TCF7L2: variants seen among roughly 807,000 people sequenced by gnomAD.
TCF7L2 encodes the protein transcription factor 7-like 2.
TCF7L2 carries 23 observed loss-of-function variants against 77.9 expected under a neutral mutation model. That is an observed-to-expected ratio of 0.30 (90% CI 0.21 to 0.42). The LOEUF (loss-of-function observed/expected upper bound fraction) is 0.42. Ranked by LOEUF, TCF7L2 falls within the 10% of genes least tolerant of loss-of-function variation. The pLI is 1.00. For missense variants in TCF7L2, 654 were observed against 793.1 expected (o/e 0.82, Z 2.11); for synonymous variants, 413 against 340.2 (o/e 1.21, Z -2.36).
At chr10:113,146,164 G>A in intron 8 of TCF7L2, 67 bp downstream of exon 8, 1 of 1,396,808 alleles carries the variant, frequency 7.2e-7, no homozygotes, top group Non-Finnish European at 1.0e-6. Context: ...TCTCTAGATG[G>A]CCACCAAGCC....
chr10:112,964,817 G>A (rs1355165170), intron 4 of TCF7L2, among the ~76,000 whole-genome samples, 193 bp downstream of exon 4: 2 of 147,012 alleles, frequency 1.4e-5, no homozygotes, highest in Admixed American at 6.8e-5. Context: ...GGTGGTGGGG[G>A]GGGGTTGAAT....
intron 4 of TCF7L2, among the ~76,000 whole-genome samples, chr10:113,004,876 G>C (rs1261895980): frequency 6.6e-6 from 1 of 152,058 alleles, no homozygotes; most frequent in Non-Finnish European, 1.5e-5. Context: ...GTTCCACCGT[G>C]TTGGCCAGGC....
chr10:113,038,222 C>T (rs1297474485), intron 4 of TCF7L2, among the ~76,000 whole-genome samples: 1 of 152,062 alleles, frequency 6.6e-6, no homozygotes, highest in Non-Finnish European at 1.5e-5. Flanking sequence ...AATACCCTGT[C>T]GCAGATAGGA....
At chr10:113,104,851 C>T (rs2062086424) in intron 5 of TCF7L2, among the ~76,000 whole-genome samples, 2 of 152,166 alleles carry the variant, frequency 1.3e-5, no homozygotes, top group Admixed American at 1.3e-4. Flanking sequence ...ATCCCATTAG[C>T]TTGGTACATG....
intron 5 of TCF7L2, among the ~76,000 whole-genome samples, chr10:113,086,542 G>A (rs2059852867): frequency 6.6e-6 from 1 of 152,200 alleles, no homozygotes; most frequent in Non-Finnish European, 1.5e-5. Context: ...AGCTTGGACT[G>A]TGTAAACTTT....
chr10:113,039,335 G>A (rs1378553794), intron 4 of TCF7L2, among the ~76,000 whole-genome samples: 2 of 152,180 alleles, frequency 1.3e-5, no homozygotes, highest in Admixed American at 1.3e-4. Flanking sequence ...CAGAATTGAT[G>A]TACACCTTTA....
intron 4 of TCF7L2, among the ~76,000 whole-genome samples, chr10:112,989,497 A>G (rs1254972538): frequency 1.3e-5 from 2 of 152,176 alleles, no homozygotes; most frequent in Non-Finnish European, 2.9e-5. Context: ...TTGCTAGTCA[A>G]TGCTAATAAT....
In TCF7L2 at chr10:112,950,557, T is replaced by TC. The variant is rs1184129874; in HGVS notation, c.-192dup. On this transcript the variant is annotated 5_prime_UTR_variant, in exon 1 of 14. Transcript: ENST00000627217. ...CCCAAACTCACGCGTGCAGAAGATC[T>TC]CCCCCCCCTTCCCCTCCCCTCCTCC... 20 of 478,404 alleles carry TC rather than the reference T, an allele frequency of 4.2e-5. No individual in the cohort carries two copies. Among genetic ancestry groups the TC allele is most frequent in the South Asian group, 1.3e-4 (5 of 37,678 alleles). The allele number at this position is 478,404 out of a possible 1,614,324, so 29.6% of individuals were successfully genotyped here. A position where few individuals can be genotyped will look rare whatever the true frequency, so the allele number is the denominator to read the frequency against.
At chr10:113,102,987 T>C (rs2061835616) in intron 5 of TCF7L2, among the ~76,000 whole-genome samples, 1 of 152,266 alleles carries the variant, frequency 6.6e-6, no homozygotes. Flanking sequence ...TATACCAGGC[T>C]CTGCCTTAAG....
intron 5 of TCF7L2, among the ~76,000 whole-genome samples, chr10:113,101,384 A>C (rs886376638): frequency 6.6e-6 from 1 of 151,970 alleles, no homozygotes; most frequent in Admixed American, 6.6e-5. Context: ...CTCTACAAAA[A>C]ATTAAAAAGT....
chr10:113,152,467 G>C (rs1300695925), intron 11 of TCF7L2, 27 bp downstream of exon 11: 3 of 1,570,356 alleles, frequency 1.9e-6, no homozygotes, highest in Non-Finnish European at 2.6e-6. Context: ...CGTTAGGATT[G>C]GAGTCTGTAG....
At chr10:113,045,762 A>G (rs2053334419) in intron 5 of TCF7L2, among the ~76,000 whole-genome samples, 1 of 152,180 alleles carries the variant, frequency 6.6e-6, no homozygotes, top group Non-Finnish European at 1.5e-5. Flanking sequence ...TACTGCATAT[A>G]TACTTTGTTT....
chr10:112,951,115 C>A (rs1296688125), intron 1 of TCF7L2, 92 bp from the exon 2 acceptor site: 1 of 1,288,432 alleles, frequency 7.8e-7, no homozygotes, highest in Non-Finnish European at 1.1e-6. Flanking sequence ...TTTCTACCCC[C>A]CCCTCGACCT....
intron 5 of TCF7L2, chr10:113,126,830 C>T: frequency 1.0e-6 from 1 of 987,064 alleles, no homozygotes; most frequent in Non-Finnish European, 1.2e-6. Context: ...GCGCAGGCAG[C>T]ATGCCCGCGA....
chr10:113,140,658 C>T (rs114641403), intron 5 of TCF7L2, among the ~76,000 whole-genome samples: 5,419 of 152,132 alleles, frequency 0.036, 342 homozygotes, highest in African/African-American at 0.12. Context: ...GTAGCATGCC[C>T]GCTGTTTCTA....
intron 5 of TCF7L2, among the ~76,000 whole-genome samples, chr10:113,125,336 T>A (rs1399728645): frequency 6.6e-6 from 1 of 152,140 alleles, no homozygotes; most frequent in Non-Finnish European, 1.5e-5. Context: ...TTTTTTTAAT[T>A]TCTAGCCACC....
In TCF7L2 at chr10:113,165,742, G is replaced by A. The variant is rs758342453; in HGVS notation, c.1579G>A (p.Ala527Thr). ...GCTGTCCCTGAAGCCCGACCCCCTG[G>A]CCCACCTGTCCATGATGCCTCCGCC... The change falls in exon 14 of 14, where the codon GCC becomes ACC. Residue 527 changes from alanine to threonine, a missense_variant. Ala to Thr is a moderately conservative substitution (Grantham distance 58). Coordinates refer to ENST00000627217, the MANE Select transcript of TCF7L2 (RefSeq NM_001146274.2). 3.5e-5 allele frequency: 56 copies of A among 1,611,426 alleles called. No homozygotes were observed. The Middle Eastern group carries it at 9.9e-4, about 28-fold the overall frequency.
chr10:113,044,657 G>A (rs1334214340), intron 5 of TCF7L2, among the ~76,000 whole-genome samples: 1 of 152,198 alleles, frequency 6.6e-6, no homozygotes, highest in Non-Finnish European at 1.5e-5. Context: ...AGGCCTGGGC[G>A]GCTCCCTGAG....
intron 5 of TCF7L2, among the ~76,000 whole-genome samples, chr10:113,123,642 A>AT (rs963276292): frequency 1.3e-5 from 2 of 152,070 alleles, no homozygotes; most frequent in African/African-American, 2.4e-5. Context: ...GATTACGTTG[A>AT]TTTTTTTTAA....
Sources: allele counts gnomAD v4.1 joint callset (sites outside exome capture counted in the v4.1 genomes callset), GRCh38; gene constraint gnomAD v4.1.1; transcripts MANE v1.5; gene names NCBI Gene and HGNC (gene_info 2026-07-23, HGNC 2026-07-21).